The following GNG12 variants were observed in gnomAD, a reference collection of about 807,000 sequenced individuals.
GNG12 encodes the protein guanine nucleotide-binding protein G(I)/G(S)/G(O) subunit gamma-12.
For synonymous variants in GNG12, 28 were observed against 29.7 expected, an observed-to-expected ratio of 0.94 and a Z score of 0.19; for missense variants, 69 against 83.8, an observed-to-expected ratio of 0.82 and a Z score of 0.69.
chr1:67,785,235 C>T (rs187624631), intron 1 of GNG12, among the ~76,000 whole-genome samples: 47 of 152,262 alleles, frequency 3.1e-4, no homozygotes, highest in African/African-American at 1.1e-3. Flanking sequence ...AGCATTATTT[C>T]AGCAAATTTA....
intron 2 of GNG12, among the ~76,000 whole-genome samples, chr1:67,723,950 G>A (rs940347468): frequency 6.6e-6 from 1 of 152,212 alleles, no homozygotes; most frequent in Non-Finnish European, 1.5e-5. Context: ...GGACTGCTGA[G>A]TAGTTTCCAC....
chr1:67,816,804 CACAAAAGCAGGAGA>C (rs1184016582), intron 1 of GNG12, among the ~76,000 whole-genome samples: 21 of 152,216 alleles, frequency 1.4e-4, no homozygotes, highest in Non-Finnish European at 2.9e-4. Context: ...AATGAGGCAG[CACAAAAGCAGGAGA>C]ACAAGAGGTG....
chr1:67,716,440 G>A (rs1199853145), intron 2 of GNG12, among the ~76,000 whole-genome samples: 1 of 152,196 alleles, frequency 6.6e-6, no homozygotes, highest in Non-Finnish European at 1.5e-5. Flanking sequence ...CTGAGTCTGT[G>A]CCAGGTAAGT....
At chr1:67,728,503 A>C (rs1035533030) in intron 2 of GNG12, among the ~76,000 whole-genome samples, 1 of 152,110 alleles carries the variant, frequency 6.6e-6, no homozygotes, top group Non-Finnish European at 1.5e-5. Flanking sequence ...AGAACTACTC[A>C]AGCCACCAAT....
chr1:67,731,179 C>A (rs1646417041), intron 2 of GNG12, among the ~76,000 whole-genome samples: 1 of 152,102 alleles, frequency 6.6e-6, no homozygotes, highest in African/African-American at 2.4e-5. Context: ...GCTTCTAGGG[C>A]CTGTCAGGTC....
chr1:67,781,537 A>G (rs766407697), intron 1 of GNG12, among the ~76,000 whole-genome samples: 1 of 152,208 alleles, frequency 6.6e-6, no homozygotes, highest in African/African-American at 2.4e-5. Flanking sequence ...ATTTTAAACA[A>G]TAAGTTCTAC....
chr1:67,796,001 G>C (rs1646829505), intron 1 of GNG12, among the ~76,000 whole-genome samples: 1 of 152,114 alleles, frequency 6.6e-6, no homozygotes, highest in African/African-American at 2.4e-5. Flanking sequence ...ATTGAAAACT[G>C]GCTCTTCTGT....
intron 2 of GNG12, among the ~76,000 whole-genome samples, chr1:67,775,191 T>C (rs1021988666): frequency 2.6e-5 from 4 of 152,252 alleles, no homozygotes; most frequent in African/African-American, 9.6e-5. Context: ...ACATTAGCCT[T>C]TTTTGATCTT....
chr1:67,750,520 C>CT (rs1646532690), intron 2 of GNG12, among the ~76,000 whole-genome samples: 1 of 152,282 alleles, frequency 6.6e-6, no homozygotes, highest in East Asian at 1.9e-4. Context: ...CTCATCACAG[C>CT]GTAATTCACC....
intron 2 of GNG12, among the ~76,000 whole-genome samples, chr1:67,755,583 TTTC>T (rs748525923): frequency 2.0e-5 from 3 of 152,184 alleles, no homozygotes; most frequent in Non-Finnish European, 2.9e-5. Context: ...AGGGGCTTAA[TTTC>T]TTCATTTATT....
At position 67,825,729 on chromosome 1, in the gene GNG12, G is replaced by A. The variant is rs12061173; in HGVS notation, c.-77+7615C>T. On this transcript the variant is annotated intron_variant, in intron 1 of 3. Coordinates refer to ENST00000370982, the MANE Select transcript of GNG12 (RefSeq NM_018841.6). ...CCTGTCCCCAAGGAAAAAGGCCTAC[G>A]GCTGGTCAATAAATAACATGAATCC... Among the ~76,000 whole-genome samples, 483 of 152,278 alleles carry A rather than the reference G, an allele frequency of 3.2e-3. 2 individuals are homozygous for A. Among genetic ancestry groups the A allele is most frequent in the African/African-American group, 0.011 (462 of 41,550 alleles).
Position 67,703,677 on chromosome 1 carries a change from T to C in GNG12, c.*1774A>G, listed in dbSNP as rs1646228133. ...AACGAAAAAGCAGATGACACAAGGC[T>C]AAGGGCAGTGCCGTGATTTTCACAT... is the stretch of plus-strand genomic sequence containing the variant. On this transcript the variant is annotated 3_prime_UTR_variant, in exon 4 of 4. Coordinates refer to ENST00000370982, the MANE Select transcript of GNG12 (RefSeq NM_018841.6). 6.6e-6 allele frequency: 1 copy of C among 152,198 alleles called. No individual in the cohort carries two copies. Among genetic ancestry groups the C allele is most frequent in the Non-Finnish European group, 1.5e-5 (1 of 68,038 alleles). The allele number at this position is 152,198 out of a possible 1,614,324, so 9.4% of individuals were successfully genotyped here.
chr1:67,741,989 G>A (rs1646485324), intron 2 of GNG12, among the ~76,000 whole-genome samples: 1 of 152,218 alleles, frequency 6.6e-6, no homozygotes, highest in Non-Finnish European at 1.5e-5. Context: ...GGTGGCTGAG[G>A]CTGTGACCGT....
At chr1:67,782,711 A>G (rs1646744345) in intron 1 of GNG12, among the ~76,000 whole-genome samples, 1 of 152,232 alleles carries the variant, frequency 6.6e-6, no homozygotes, top group African/African-American at 2.4e-5. Context: ...CTTTAAGAGA[A>G]TAAGTGAAAA....
chr1:67,714,062 G>T (rs1465842324), intron 2 of GNG12, among the ~76,000 whole-genome samples: 1 of 152,212 alleles, frequency 6.6e-6, no homozygotes, highest in Non-Finnish European at 1.5e-5. Context: ...AATCCAGGCT[G>T]CAGATGTGTT....
At chr1:67,817,412 G>C (rs1448231125) in intron 1 of GNG12, among the ~76,000 whole-genome samples, 3 of 152,196 alleles carry the variant, frequency 2.0e-5, no homozygotes, top group African/African-American at 4.8e-5. Context: ...CAAGTTCAGA[G>C]AGGCAGTCTC....
At chr1:67,786,985 GTATGTATATATA>G (rs1646772850) in intron 1 of GNG12, among the ~76,000 whole-genome samples, 1 of 118,968 alleles carries the variant, frequency 8.4e-6, no homozygotes. Flanking sequence ...GTGTGTGTGT[GTATGTATATATA>G]TGTGTATATC....
chr1:67,785,451 T>C (rs1646762490), intron 1 of GNG12, among the ~76,000 whole-genome samples: 1 of 152,192 alleles, frequency 6.6e-6, no homozygotes, highest in African/African-American at 2.4e-5. Flanking sequence ...TACAACCTTT[T>C]CTACCTCCTA....
At chr1:67,781,396 CAT>C (rs1646736695) in intron 1 of GNG12, among the ~76,000 whole-genome samples, 1 of 152,092 alleles carries the variant, frequency 6.6e-6, no homozygotes, top group African/African-American at 2.4e-5. Flanking sequence ...GAATGTAAAT[CAT>C]GTGCTAGGGA....
Sources: gnomAD v4.1 joint callset for allele counts (sites outside exome capture counted in the v4.1 genomes callset) on GRCh38, gnomAD v4.1.1 for gene constraint, MANE v1.5 for transcripts, NCBI Gene and HGNC (gene_info 2026-07-23, HGNC 2026-07-21) for gene names.